GCNT1: variants seen among roughly 807,000 people sequenced by gnomAD.
GCNT1 encodes the protein glucosaminyl (N-acetyl) transferase 1, also known as beta-1,3-galactosyl-O-glycosyl-glycoprotein beta-1,6-N-acetylglucosaminyltransferase.
In GCNT1, 16 loss-of-function variants were observed where a neutral mutation model predicts 26.2. The ratio of observed to expected loss-of-function variants is 0.61; its 90% CI spans 0.41 to 0.93. The LOEUF is 0.93. GCNT1 is among the 40% of genes least tolerant of loss of function. The pLI is 0.00. For synonymous variants in GCNT1, 183 were observed against 190.8 expected, an observed-to-expected ratio of 0.96 and a Z score of 0.34; for missense variants, 477 against 526.7, an observed-to-expected ratio of 0.91 and a Z score of 0.92.
upstream of GCNT1, among the ~76,000 whole-genome samples, chr9:76,454,847 T>TTC (rs1330944090): frequency 7.3e-6 from 1 of 137,166 alleles, no homozygotes; most frequent in Non-Finnish European, 1.6e-5. Context: ...CTTTTCTTTT[T>TTC]TTTTTTTTTT....
At chr9:76,430,478 C>T (rs1823322210) in intron 1 of GCNT1, among the ~76,000 whole-genome samples, 1 of 151,796 alleles carries the variant, frequency 6.6e-6, no homozygotes, top group South Asian at 2.1e-4. Context: ...ACCTCGGGGG[C>T]TCAAGTGATC....
At chr9:76,484,768 C>T (rs1824521308) in intron 2 of GCNT1, among the ~76,000 whole-genome samples, 1 of 149,386 alleles carries the variant, frequency 6.7e-6, no homozygotes, top group Admixed American at 6.7e-5. Context: ...ATAAACTGAG[C>T]ATAGCATACC....
chr9:76,406,496 CAAA>C, the GCNT1 span, among the ~76,000 whole-genome samples: 12 of 62,430 alleles, frequency 1.9e-4, no homozygotes, highest in Non-Finnish European at 2.3e-4. Flanking sequence ...GACCCTGTCT[CAAA>C]AAAAAAAAAA....
chr9:76,410,184 C>T, the GCNT1 span, among the ~76,000 whole-genome samples: 3 of 152,046 alleles, frequency 2.0e-5, no homozygotes, highest in African/African-American at 7.3e-5. Flanking sequence ...GTAATCTCAG[C>T]ACTTTGGAAG....
chr9:76,490,169 C>T (rs972680362), intron 2 of GCNT1, among the ~76,000 whole-genome samples: 1 of 152,082 alleles, frequency 6.6e-6, no homozygotes, highest in African/African-American at 2.4e-5. Flanking sequence ...GGCAGCATCT[C>T]GTACTATCCC....
chr9:76,401,981 G>T, the GCNT1 span, among the ~76,000 whole-genome samples: 1 of 152,238 alleles, frequency 6.6e-6, no homozygotes, highest in Non-Finnish European at 1.5e-5. Flanking sequence ...GTGGCAAATT[G>T]TGGGAAGGCA....
At chr9:76,458,276 G>A (rs1023027962), upstream of GCNT1, among the ~76,000 whole-genome samples, 6 of 136,512 alleles carry the variant, frequency 4.4e-5, no homozygotes, top group Non-Finnish European at 9.2e-5. Flanking sequence ...TCCGCCTCCC[G>A]GGTTCACGCC....
the GCNT1 span, among the ~76,000 whole-genome samples, chr9:76,410,489 G>A: frequency 1.3e-5 from 2 of 152,066 alleles, no homozygotes; most frequent in African/African-American, 2.4e-5. Context: ...CGGTGGCTCA[G>A]GCGTGTCATC....
At chr9:76,437,165 T>G (rs1048956820), upstream of GCNT1, among the ~76,000 whole-genome samples, 1 of 150,710 alleles carries the variant, frequency 6.6e-6, no homozygotes, top group Non-Finnish European at 1.5e-5. Flanking sequence ...GAGAGAGAGA[T>G]TGTCAGAAAC....
chr9:76,435,134 C>T (rs1413224485), intron 1 of GCNT1, among the ~76,000 whole-genome samples: 1 of 152,128 alleles, frequency 6.6e-6, no homozygotes. Flanking sequence ...TTTGTTCTCC[C>T]TTTTTCCCTT....
At chr9:76,472,749 CTTTT>C (rs869071794) in intron 2 of GCNT1, among the ~76,000 whole-genome samples, 6 of 31,390 alleles carry the variant, frequency 1.9e-4, no homozygotes, top group Non-Finnish European at 5.4e-4. Context: ...CTTTTCTTTT[CTTTT>C]TTTTTTTTTT....
chr9:76,480,402 G>A (rs1258105964), intron 2 of GCNT1, among the ~76,000 whole-genome samples: 1 of 152,130 alleles, frequency 6.6e-6, no homozygotes, highest in Non-Finnish European at 1.5e-5. Flanking sequence ...AAAAGTCATT[G>A]GTAGCTTGAT....
At chr9:76,478,916 G>T (rs1365226988) in intron 2 of GCNT1, among the ~76,000 whole-genome samples, 1 of 152,158 alleles carries the variant, frequency 6.6e-6, no homozygotes, top group Non-Finnish European at 1.5e-5. Context: ...GTGCAGGTTT[G>T]TTACATATGT....
intron 2 of GCNT1, among the ~76,000 whole-genome samples, chr9:76,495,011 C>T (rs1158207459): frequency 6.6e-6 from 1 of 152,158 alleles, no homozygotes; most frequent in South Asian, 2.1e-4. Flanking sequence ...AAACCTGACA[C>T]CCGTATCTTT....
chr9:76,476,243 G>A (rs1022159028), intron 2 of GCNT1, among the ~76,000 whole-genome samples: 8 of 152,042 alleles, frequency 5.3e-5, no homozygotes, highest in Admixed American at 2.0e-4. Flanking sequence ...AATTGGGACC[G>A]TTCAGAAAAC....
In GCNT1 at chr9:76,469,827, T is replaced by G. The variant is rs147048487; in HGVS notation, c.-290+9650T>G. Among the ~76,000 whole-genome samples, 1,395 of 152,254 alleles carry G rather than the reference T, an allele frequency of 9.2e-3. 16 individuals are homozygous for G. The highest frequency in any genetic ancestry group is 0.032 in the African/African-American group (1,310 of 41,554). ...TTCCACGGTTCTCTTCCATGACCCATGGCTTCTAATAGAGCTATAACACTC... is the reference window on the plus strand; with the variant it reads ...TTCCACGGTTCTCTTCCATGACCCAGGGCTTCTAATAGAGCTATAACACTC... On this transcript the variant is annotated intron_variant, in intron 2 of 3. Coordinates refer to ENST00000376730, the MANE Select transcript of GCNT1 (RefSeq NM_001490.5).
chr9:76,419,688 G>C (rs1025405407), upstream of GCNT1, among the ~76,000 whole-genome samples: 2 of 152,114 alleles, frequency 1.3e-5, no homozygotes, highest in Non-Finnish European at 2.9e-5. Context: ...GAAAGGGAAA[G>C]AAAAAATGTA....
At chr9:76,466,631 G>C (rs1041927702) in intron 2 of GCNT1, among the ~76,000 whole-genome samples, 1 of 152,176 alleles carries the variant, frequency 6.6e-6, no homozygotes, top group East Asian at 1.9e-4. Context: ...TAGAGAGGAA[G>C]AGCCTAAAGA....
intron 1 of GCNT1, among the ~76,000 whole-genome samples, chr9:76,451,903 CAT>C (rs1823668559): frequency 6.6e-6 from 1 of 151,230 alleles, no homozygotes; most frequent in Non-Finnish European, 1.5e-5. Context: ...TTTTTATAGC[CAT>C]ACACTTCCTT....
Sources: allele counts gnomAD v4.1 joint callset (sites outside exome capture counted in the v4.1 genomes callset), GRCh38; gene constraint gnomAD v4.1.1; transcripts MANE v1.5; gene names NCBI Gene and HGNC (gene_info 2026-07-23, HGNC 2026-07-21).